PSMD12: variants seen among roughly 807,000 people sequenced by gnomAD.
The protein encoded by PSMD12 is 26S proteasome non-ATPase regulatory subunit 12.
A neutral mutation model predicts 62.9 loss-of-function variants in PSMD12; 8 were observed. The observed-to-expected ratio is 0.13, with a 90% confidence interval of 0.07 to 0.23. The LOEUF is 0.23. PSMD12 is among the 10% of genes least tolerant of loss of function. PSMD12 has a pLI of 1.00. For missense variants in PSMD12, 424 were observed against 550.2 expected, an observed-to-expected ratio of 0.77 and a Z score of 2.29; for synonymous variants, 173 against 187.4, an observed-to-expected ratio of 0.92 and a Z score of 0.63.
chr17:67,341,688 T>C (rs1176534310), intron 10 of PSMD12, among the ~76,000 whole-genome samples: 2 of 152,158 alleles, frequency 1.3e-5, no homozygotes, highest in Non-Finnish European at 2.9e-5. Flanking sequence ...AAAGGCAGTA[T>C]GGTACAGTTA....
chr17:67,339,759 T>G lies in PSMD12; in HGVS notation c.*1084A>C, dbSNP rs1406138750. On this transcript the variant is annotated 3_prime_UTR_variant, in exon 11 of 11. Transcript: ENST00000356126. ...ATTGTTTTTTCTATTTTCTCTGAAATAAATCAAATTAAACTTGCAAAATTC... is the reference window on the plus strand; with the variant it reads ...ATTGTTTTTTCTATTTTCTCTGAAAGAAATCAAATTAAACTTGCAAAATTC... 6.6e-6 allele frequency: 1 copy of G among 152,154 alleles called. No individual in the cohort carries two copies. The highest frequency in any genetic ancestry group is 1.5e-5 in the Non-Finnish European group (1 of 68,026). 9.4% of individuals were successfully genotyped at this position (152,154 alleles called of 1,614,324 possible).
At chr17:67,352,755 T>C (rs2042029799) in intron 3 of PSMD12, among the ~76,000 whole-genome samples, 1 of 152,208 alleles carries the variant, frequency 6.6e-6, no homozygotes, top group South Asian at 2.1e-4. Context: ...TGAAATCAAA[T>C]GCAGTCCCTC....
At chr17:67,361,439 G>T (rs945632113) in intron 1 of PSMD12, among the ~76,000 whole-genome samples, 1 of 152,074 alleles carries the variant, frequency 6.6e-6, no homozygotes, top group Non-Finnish European at 1.5e-5. Context: ...AAATTTAGCC[G>T]GGCGTGGTGG....
intron 1 of PSMD12, chr17:67,362,955 T>C (rs2042146850): frequency 6.6e-6 from 1 of 152,170 alleles, no homozygotes; most frequent in African/African-American, 2.4e-5. Context: ...ATAAAACGTA[T>C]ACAGCAATAA....
chr17:67,341,320 T>C (rs1205530677), intron 10 of PSMD12, among the ~76,000 whole-genome samples: 1 of 151,530 alleles, frequency 6.6e-6, no homozygotes, highest in Non-Finnish European at 1.5e-5. Flanking sequence ...AATACCAAAA[T>C]TAGCCAGGCA....
chr17:67,364,925 T>C (rs894509819), intron 1 of PSMD12, among the ~76,000 whole-genome samples: 1 of 152,174 alleles, frequency 6.6e-6, no homozygotes, highest in East Asian at 1.9e-4. Context: ...GGCTCACGCC[T>C]GTAATCCCAG....
At chr17:67,349,900 A>G (rs2042001771) in intron 4 of PSMD12, among the ~76,000 whole-genome samples, 1 of 152,172 alleles carries the variant, frequency 6.6e-6, no homozygotes. Flanking sequence ...ATCTTTGAAT[A>G]TTATTTCCTC....
At chr17:67,352,817 A>G (rs1398566935) in intron 3 of PSMD12, among the ~76,000 whole-genome samples, 2 of 152,208 alleles carry the variant, frequency 1.3e-5, no homozygotes, top group Admixed American at 6.5e-5. Flanking sequence ...GTCACTCAGT[A>G]GCCATCTCAG....
intron 3 of PSMD12, 56 bp from the exon 4 acceptor site, chr17:67,350,392 T>G (rs749868626): frequency 7.8e-7 from 1 of 1,274,966 alleles, no homozygotes; most frequent in Non-Finnish European, 1.1e-6. Context: ...AGCGAAAAAA[T>G]GTATTTTATT....
chr17:67,341,222 A>C (rs577007434), intron 10 of PSMD12, among the ~76,000 whole-genome samples, 170 bp from the exon 11 acceptor site: 29 of 152,260 alleles, frequency 1.9e-4, no homozygotes, highest in African/African-American at 7.0e-4. Flanking sequence ...TAATCCCAGC[A>C]CTTTGGGAGG....
intron 1 of PSMD12, among the ~76,000 whole-genome samples, chr17:67,359,432 A>G (rs1354905853): frequency 6.6e-6 from 1 of 152,232 alleles, no homozygotes; most frequent in Non-Finnish European, 1.5e-5. Context: ...CTGACAATAA[A>G]TTGAAATGAG....
chr17:67,355,580 C>G (rs1013298293), intron 3 of PSMD12, among the ~76,000 whole-genome samples: 2 of 152,134 alleles, frequency 1.3e-5, no homozygotes, highest in African/African-American at 4.8e-5. Flanking sequence ...CCATTACATC[C>G]TCTTTTACAA....
chr17:67,359,041 A>C (rs796695823), intron 1 of PSMD12, among the ~76,000 whole-genome samples: 7 of 152,274 alleles, frequency 4.6e-5, no homozygotes, highest in African/African-American at 1.7e-4. Context: ...ATAAAACCAA[A>C]ACCAACATAC....
At chr17:67,345,893 G>A (rs775368404) in intron 7 of PSMD12, 36 bp from the exon 8 acceptor site, 1 of 1,517,138 alleles carries the variant, frequency 6.6e-7, no homozygotes, top group Admixed American at 1.8e-5. Flanking sequence ...ATGCAAGACT[G>A]GACATAATGG....
chr17:67,364,284 C>CT (rs936307206), intron 1 of PSMD12, among the ~76,000 whole-genome samples: 5 of 151,750 alleles, frequency 3.3e-5, no homozygotes, highest in Non-Finnish European at 5.9e-5. Context: ...CCCCAACATT[C>CT]TTTTTTTTAA....
chr17:67,341,898 G>A lies in PSMD12; in HGVS notation c.1161+288C>T, dbSNP rs1451460444. ...CCTAAACTGTCACAGATCCTTCTGG[G>A]GACAGAAATGGCTTTCAGGCCATTA... is the stretch of plus-strand genomic sequence containing the variant. On this transcript the variant is annotated intron_variant, in intron 10 of 10. Coordinates refer to ENST00000356126, the MANE Select transcript of PSMD12 (RefSeq NM_002816.5). 4.6e-5 allele frequency among the ~76,000 whole-genome samples: 7 copies of A among 152,102 alleles called. No individual in the cohort carries two copies. The East Asian group carries it at 1.3e-3, about 29-fold the overall frequency.
rs977410670 is a variant in PSMD12, at chr17:67,352,193, T to C, written c.298-1857A>G. Among the ~76,000 whole-genome samples, 6 of 152,176 alleles carry C rather than the reference T, an allele frequency of 3.9e-5. No individual in the cohort carries two copies. The East Asian group carries it at 1.2e-3, about 29-fold the overall frequency. ...CTGCTACCTCAAATTCCTGGGCTCA[T>C]GTGATCTTCCCACCTCAGCCTCTTG... On this transcript the variant is annotated intron_variant, in intron 3 of 10. Coordinates refer to ENST00000356126, the MANE Select transcript of PSMD12 (RefSeq NM_002816.5).
At chr17:67,358,676 T>C (rs1233057275) in intron 1 of PSMD12, among the ~76,000 whole-genome samples, 2 of 151,368 alleles carry the variant, frequency 1.3e-5, no homozygotes, top group Non-Finnish European at 2.9e-5. Context: ...AAATACAGAG[T>C]TCCAAGGAGA....
At chr17:67,348,759 A>T in intron 4 of PSMD12, 105 bp from the exon 5 acceptor site, 1 of 894,864 alleles carries the variant, frequency 1.1e-6, no homozygotes, top group Non-Finnish European at 1.7e-6. Flanking sequence ...ACATTTTGGA[A>T]GGCTGAGGCA....
Sources: allele counts gnomAD v4.1 joint callset (sites outside exome capture counted in the v4.1 genomes callset), GRCh38; gene constraint gnomAD v4.1.1; transcripts MANE v1.5; gene names NCBI Gene and HGNC (gene_info 2026-07-23, HGNC 2026-07-21).